Variants in CDH17 observed in about 807,000 individuals in gnomAD.
The protein encoded by CDH17 is cadherin-17.
CDH17 carries 67 observed loss-of-function variants against 86.3 expected under a neutral mutation model. That is an observed-to-expected ratio of 0.78 (90% CI 0.64 to 0.95). The LOEUF (loss-of-function observed/expected upper bound fraction) is 0.95, where lower values mean the gene tolerates loss of function less well. CDH17 is among the 40% of genes least tolerant of loss of function. The pLI is 0.00. For synonymous variants in CDH17, 367 were observed against 366.4 expected (o/e 1.00, Z -0.02); for missense variants, 993 against 1,017.6 (o/e 0.98, Z 0.33).
Position 94,145,909 on chromosome 8 carries a change from T to G in CDH17, c.2167+19A>C. ...CATCATCCATCTATGTTTTTTTCCA[T>G]GTATTTCTGACAACTCACCATTGAT... On this transcript the variant is annotated intron_variant, in intron 15 of 17. Transcript: ENST00000027335. The G allele has an allele frequency of 6.2e-7, 1 of 1,606,280 alleles. No homozygotes were observed.
At chr8:94,133,282 C>T (rs908379054) in intron 15 of CDH17, among the ~76,000 whole-genome samples, 4 of 152,156 alleles carry the variant, frequency 2.6e-5, no homozygotes, top group Non-Finnish European at 5.9e-5. Context: ...GACATTGATT[C>T]TTCCTGTCCA....
chr8:94,201,896 G>A, intron 1 of CDH17: 1 of 166,476 alleles, frequency 6.0e-6, no homozygotes, highest in Non-Finnish European at 1.3e-5. Context: ...TACATAATTA[G>A]GTTCTTCTTA....
intron 15 of CDH17, among the ~76,000 whole-genome samples, chr8:94,138,466 A>G (rs1284532352): frequency 6.6e-6 from 1 of 152,220 alleles, no homozygotes; most frequent in African/African-American, 2.4e-5. Context: ...GCTCAGACAG[A>G]GCCCAGTGAT....
At chr8:94,149,436 G>A (rs1017487014) in intron 13 of CDH17, among the ~76,000 whole-genome samples, 1 of 152,176 alleles carries the variant, frequency 6.6e-6, no homozygotes, top group African/African-American at 2.4e-5. Context: ...TTAGGCAAGT[G>A]AGATAGACAG....
At chr8:94,194,086 T>G (rs987042309) in intron 2 of CDH17, among the ~76,000 whole-genome samples, 6 of 152,052 alleles carry the variant, frequency 3.9e-5, no homozygotes, top group African/African-American at 1.4e-4. Flanking sequence ...AGGTCAAGGG[T>G]GAGGACTCCC....
chr8:94,192,057 C>T lies in CDH17; in HGVS notation c.51+2578G>A, dbSNP rs374696529. On this transcript the variant is annotated intron_variant, in intron 2 of 17. Transcript: ENST00000027335. ...TCACACCAGTGAAAACTACATTAGC[C>T]ACACACAAACAAGGCTGCACTATTC... 1.6e-4 allele frequency among the ~76,000 whole-genome samples: 24 copies of T among 152,314 alleles called. No homozygotes were observed. The South Asian group carries it at 4.8e-3, about 30-fold the overall frequency.
chr8:94,197,419 A>C (rs1025798271), intron 1 of CDH17: 2 of 152,294 alleles, frequency 1.3e-5, no homozygotes, highest in African/African-American at 2.4e-5. Flanking sequence ...TTGGAGTCAG[A>C]AAGCTGGCCT....
chr8:94,178,370 A>G (rs1427400476), intron 3 of CDH17, among the ~76,000 whole-genome samples: 4 of 152,164 alleles, frequency 2.6e-5, no homozygotes, highest in African/African-American at 7.2e-5. Flanking sequence ...TAGTATGGAT[A>G]TAAAGAAACA....
intron 17 of CDH17, among the ~76,000 whole-genome samples, chr8:94,129,011 A>G (rs1014564490): frequency 6.6e-6 from 1 of 152,198 alleles, no homozygotes; most frequent in African/African-American, 2.4e-5. Context: ...CCTGCTAGTA[A>G]GTTTATAGGA....
chr8:94,148,190 G>A (rs1251039828), intron 14 of CDH17, among the ~76,000 whole-genome samples: 5 of 152,156 alleles, frequency 3.3e-5, no homozygotes, highest in Non-Finnish European at 7.3e-5. Flanking sequence ...GCCCCTACAG[G>A]AAACCACAGA....
At chr8:94,170,600 A>G in intron 8 of CDH17, 53 bp from the exon 9 acceptor site, 1 of 1,561,592 alleles carries the variant, frequency 6.4e-7, no homozygotes. Context: ...CCCTCTGTCA[A>G]AAGCAGAGAA....
At position 94,173,842 on chromosome 8, in the gene CDH17, C is replaced by T; in HGVS notation, c.738G>A (p.Glu246=). 6.2e-7 allele frequency: 1 copy of T among 1,613,928 alleles called. No individual in the cohort carries two copies. Residue 246 remains glutamate, a synonymous_variant, in exon 7 of 18, where the codon GAG becomes GAA. Transcript: ENST00000027335. ...GAGGATCAGTTGAGTTTTCCACCAT[C>T]TCCACAGGTTTTGGTGCTTTCCAAA... ...ENIWKAPKPV[E]MVENSTDPHP...
intron 15 of CDH17, among the ~76,000 whole-genome samples, chr8:94,145,649 G>C (rs1812726695): frequency 6.6e-6 from 1 of 152,000 alleles, no homozygotes; most frequent in Non-Finnish European, 1.5e-5. Flanking sequence ...TATAAAATCT[G>C]CTTTCCATCT....
intron 2 of CDH17, among the ~76,000 whole-genome samples, chr8:94,193,430 A>T (rs974889149): frequency 6.6e-6 from 1 of 152,198 alleles, no homozygotes; most frequent in Non-Finnish European, 1.5e-5. Flanking sequence ...CCAGTCGCTG[A>T]TCCAAGAGCT....
intron 3 of CDH17, among the ~76,000 whole-genome samples, chr8:94,179,148 C>T (rs1176228695): frequency 1.3e-5 from 2 of 152,042 alleles, no homozygotes; most frequent in African/African-American, 4.8e-5. Flanking sequence ...CAGCCTCACA[C>T]CACAGTACCA....
At chr8:94,132,641 C>T (rs1347408122) in intron 15 of CDH17, among the ~76,000 whole-genome samples, 1 of 152,062 alleles carries the variant, frequency 6.6e-6, no homozygotes, top group East Asian at 1.9e-4. Context: ...ATGGTAGTTT[C>T]TTTTGCTGTG....
At chr8:94,195,181 T>G (rs1813759013) in intron 1 of CDH17, among the ~76,000 whole-genome samples, 1 of 152,174 alleles carries the variant, frequency 6.6e-6, no homozygotes, top group Non-Finnish European at 1.5e-5. Flanking sequence ...TTTTGTATTT[T>G]TAGTAGAGAC....
In CDH17 at chr8:94,194,630, C is replaced by T. The variant is rs536153696; in HGVS notation, c.51+5G>A. 3 of 1,590,312 alleles carry T rather than the reference C, an allele frequency of 1.9e-6. No individual in the cohort carries two copies. The highest frequency in any genetic ancestry group is 2.7e-5 in the African/African-American group (2 of 74,362). ...CAAATAGAGAAGAACACCCTCTTCT[C>T]TTACCAAATAAAGCATAAGAAGACA... On this transcript the variant is annotated splice_donor_5th_base_variant and intron_variant, in intron 2 of 17. Transcript: ENST00000027335.
At position 94,148,837 on chromosome 8, in the gene CDH17, T is replaced by C. The variant is rs1812802773; in HGVS notation, c.1834A>G (p.Ile612Val). The C allele has an allele frequency of 3.1e-6, 5 of 1,610,332 alleles. No individual in the cohort carries two copies. In the African/African-American group the frequency reaches 4.0e-5, roughly 13 times the overall value. Residue 612 changes from isoleucine to valine, a missense_variant, in exon 14 of 18, where the codon ATT becomes GTT. By Grantham distance (29) the Ile-to-Val change is conservative. Transcript: ENST00000027335. ...LRGDTRGWLK[I>V]DHVTGEIFSV... ...AAGATCTCACCAGTCACGTGGTCAA[T>C]TTTAAGCCAACCTCTTGTGTCTCCC...
Sources: gnomAD v4.1 joint callset for allele counts (sites outside exome capture counted in the v4.1 genomes callset) on GRCh38, gnomAD v4.1.1 for gene constraint, MANE v1.5 for transcripts, NCBI Gene and HGNC (gene_info 2026-07-23, HGNC 2026-07-21) for gene names.